ATXN1: variants seen among roughly 807,000 people sequenced by gnomAD.
ATXN1 encodes ataxin 1.
A neutral mutation model predicts 56.4 loss-of-function variants in ATXN1; 8 were observed. The observed-to-expected ratio is 0.14, with a 90% CI of 0.08 to 0.26. The LOEUF is 0.26. ATXN1 is among the 10% of genes least tolerant of loss of function. The pLI is 1.00. For missense variants in ATXN1, 987 were observed against 1,106.5 expected (o/e 0.89, Z 1.53); for synonymous variants, 514 against 494.6 (o/e 1.04, Z -0.52).
chr6:16,503,359 G>A (rs778895924), intron 5 of ATXN1, among the ~76,000 whole-genome samples: 2 of 152,150 alleles, frequency 1.3e-5, no homozygotes, highest in Non-Finnish European at 2.9e-5. Flanking sequence ...GTTTGCTCCT[G>A]GCCTCATGAC....
At chr6:16,453,345 C>T (rs1158903877) in intron 6 of ATXN1, among the ~76,000 whole-genome samples, 2 of 152,122 alleles carry the variant, frequency 1.3e-5, no homozygotes. Context: ...CCTGTAGTCC[C>T]AGCTACTCAG....
At chr6:16,402,897 A>T (rs911621321) in intron 6 of ATXN1, among the ~76,000 whole-genome samples, 1 of 152,176 alleles carries the variant, frequency 6.6e-6, no homozygotes, top group South Asian at 2.1e-4. Flanking sequence ...ATCAAACGTT[A>T]TCTTAACTCC....
intron 4 of ATXN1, among the ~76,000 whole-genome samples, chr6:16,555,559 C>A (rs1761995695): frequency 6.6e-6 from 1 of 152,146 alleles, no homozygotes; most frequent in East Asian, 1.9e-4. Context: ...ATCGGAAAAT[C>A]ACATAAAAGA....
At chr6:16,534,111 A>G (rs1018573491) in intron 4 of ATXN1, among the ~76,000 whole-genome samples, 1 of 152,154 alleles carries the variant, frequency 6.6e-6, no homozygotes, top group Non-Finnish European at 1.5e-5. Flanking sequence ...TCAGGTGACA[A>G]CAGGTTTCCC....
intron 7 of ATXN1, among the ~76,000 whole-genome samples, chr6:16,310,133 C>T (rs909387045): frequency 2.0e-5 from 3 of 150,446 alleles, no homozygotes; most frequent in African/African-American, 7.3e-5. Flanking sequence ...ATGGAACTCA[C>T]AGTTTACATC....
At chr6:16,647,338 A>G (rs2113826854) in intron 3 of ATXN1, among the ~76,000 whole-genome samples, 1 of 152,216 alleles carries the variant, frequency 6.6e-6, no homozygotes, top group South Asian at 2.1e-4. Context: ...TGATAAACTG[A>G]GACCCAAAGA....
chr6:16,732,194 A>G (rs1651388301), intron 2 of ATXN1, among the ~76,000 whole-genome samples: 1 of 152,232 alleles, frequency 6.6e-6, no homozygotes, highest in African/African-American at 2.4e-5. Context: ...GATAGAACAT[A>G]AAAATAGGCA....
chr6:16,333,619 A>G (rs957966817), intron 6 of ATXN1, among the ~76,000 whole-genome samples: 10 of 152,214 alleles, frequency 6.6e-5, no homozygotes, highest in Admixed American at 6.5e-5. Flanking sequence ...CCTGGCCTGT[A>G]TATCTATGGA....
intron 2 of ATXN1, among the ~76,000 whole-genome samples, chr6:16,677,114 T>C (rs1291167038): frequency 6.6e-6 from 1 of 152,012 alleles, no homozygotes; most frequent in Non-Finnish European, 1.5e-5. Context: ...AGGTTGTCCT[T>C]GTCCTTAAAG....
In ATXN1 at chr6:16,347,133, G is replaced by A. The variant is rs182298006; in HGVS notation, c.-160-18663C>T. On this transcript the variant is annotated intron_variant, in intron 6 of 7. Transcript: ENST00000436367. ...CCTGAACCTCCCCCTGCCCCTCCGT[G>A]GGCTCCTGTGCAGCCAGAGCCTCCC... 4.3e-4 allele frequency among the ~76,000 whole-genome samples: 65 copies of A among 152,318 alleles called. 1 individual carries two copies. The East Asian group carries it at 0.012, about 28-fold the overall frequency.
At chr6:16,630,113 C>G (rs1024124599) in intron 3 of ATXN1, among the ~76,000 whole-genome samples, 1 of 152,086 alleles carries the variant, frequency 6.6e-6, no homozygotes, top group African/African-American at 2.4e-5. Context: ...AATCACAAAG[C>G]TAGAATGGGT....
chr6:16,526,798 T>C (rs1174793037), intron 4 of ATXN1, among the ~76,000 whole-genome samples: 1 of 151,068 alleles, frequency 6.6e-6, no homozygotes, highest in Non-Finnish European at 1.5e-5. Context: ...TCAGTGGGTG[T>C]TCAACATATC....
At chr6:16,519,215 C>T (rs1033106711) in intron 5 of ATXN1, among the ~76,000 whole-genome samples, 2 of 152,120 alleles carry the variant, frequency 1.3e-5, no homozygotes, top group African/African-American at 4.8e-5. Flanking sequence ...ACCTAGAAAA[C>T]ACTCAGGCCC....
At chr6:16,356,074 A>G (rs1046237769) in intron 6 of ATXN1, among the ~76,000 whole-genome samples, 4 of 152,216 alleles carry the variant, frequency 2.6e-5, no homozygotes, top group African/African-American at 9.6e-5. Context: ...ATTTAGACAC[A>G]TTGCCTCTAA....
At chr6:16,758,490 C>T (rs571810791) in intron 1 of ATXN1, among the ~76,000 whole-genome samples, 1 of 152,326 alleles carries the variant, frequency 6.6e-6, no homozygotes, top group South Asian at 2.1e-4. Context: ...TGTTGGTCTC[C>T]TTTATAAAAG....
chr6:16,503,750 C>T (rs1057251634), intron 5 of ATXN1, among the ~76,000 whole-genome samples: 3 of 151,982 alleles, frequency 2.0e-5, no homozygotes, highest in Non-Finnish European at 4.4e-5. Context: ...GATGACATGA[C>T]AATATACTTT....
At chr6:16,684,199 G>C (rs1758871274) in intron 2 of ATXN1, among the ~76,000 whole-genome samples, 1 of 152,146 alleles carries the variant, frequency 6.6e-6, no homozygotes, top group Non-Finnish European at 1.5e-5. Context: ...GGGGTCCTTG[G>C]AGATGATCAA....
In ATXN1 at chr6:16,740,691, T is replaced by TTTA. The variant is rs1561832446; in HGVS notation, c.-615+12541_-615+12542insTAA. Among the ~76,000 whole-genome samples the TTTA allele has an allele frequency of 2.4e-3, 363 of 152,230 alleles. 1 individual carries two copies. The highest frequency in any genetic ancestry group is 8.5e-3 in the African/African-American group (354 of 41,562). On this transcript the variant is annotated intron_variant, in intron 2 of 7. Transcript: ENST00000436367. Reference sequence around the variant, plus strand: ...CTATAAAAACATCTAACATATAATTTTTTATTTATTTATTTATTTTTTTTA... The same window carrying TTTA: ...CTATAAAAACATCTAACATATAATTTTTATTTATTTATTTATTTATTTTTTTTA...
At chr6:16,575,859 G>A (rs1047710172) in intron 4 of ATXN1, among the ~76,000 whole-genome samples, 1 of 152,206 alleles carries the variant, frequency 6.6e-6, no homozygotes, top group African/African-American at 2.4e-5. Flanking sequence ...TTAAGACCAA[G>A]CAGCATCCTG....
Sources: allele counts gnomAD v4.1 joint callset (sites outside exome capture counted in the v4.1 genomes callset), GRCh38; gene constraint gnomAD v4.1.1; transcripts MANE v1.5; gene names NCBI Gene and HGNC (gene_info 2026-07-23, HGNC 2026-07-21).